Variants in LIPE observed in about 807,000 individuals in gnomAD.
LIPE encodes lipase E, hormone sensitive type.
In LIPE, 66 loss-of-function variants were observed where a neutral mutation model predicts 88.5. The observed-to-expected ratio is 0.75, with a 90% CI of 0.61 to 0.91. LIPE has a LOEUF of 0.91. Among genes scored for constraint, LIPE ranks in the 40% least tolerant of loss-of-function variants. LIPE has a pLI of 0.00. For synonymous variants in LIPE, 570 were observed against 617.5 expected (o/e 0.92, Z 1.14); for missense variants, 1,346 against 1,434.7 (o/e 0.94, Z 1.00).
chr19:42,402,181 A>C, intron 9 of LIPE, 106 bp from the exon 10 acceptor site: 1 of 1,147,202 alleles, frequency 8.7e-7, no homozygotes. Flanking sequence ...GGAAATACGG[A>C]TACAGACGGA....
rs530207549 is a variant in LIPE at position 42,410,508 on chromosome 19, G to C, written c.1218C>G (p.Ser406Arg). The C allele has an allele frequency of 2.5e-6, 4 of 1,613,462 alleles. No homozygotes were observed. The highest frequency in any genetic ancestry group is 3.4e-6 in the Non-Finnish European group (4 of 1,180,000). Residue 406 changes from serine to arginine, a missense_variant, in exon 2 of 10, where the codon AGC becomes AGG. Transcript: ENST00000244289. This position sits in a 1 kb window ranked among gnomAD's most constrained non-coding sequence, Gnocchi z 6.1. The part of the protein sequence containing the change: ...SNRRSIFFRT[S>R]HNLAELEAYL... Reference sequence around the variant, plus strand: ...AGGCCTCCAGCTCGGCCAGGTTGTGGCTGGTGCGGAAGAAGATGCTGCGGC... The same window carrying C: ...AGGCCTCCAGCTCGGCCAGGTTGTGCCTGGTGCGGAAGAAGATGCTGCGGC...
chr19:42,405,411 G>T lies in LIPE; in HGVS notation c.2516C>A (p.Ser839Tyr). 6.2e-7 allele frequency: 1 copy of T among 1,613,676 alleles called. No individual in the cohort carries two copies. Among genetic ancestry groups the T allele is most frequent in the Admixed American group, 1.7e-5 (1 of 60,012 alleles). ...NSFLELSGRK[S>Y]QKMSEPIAEP... ...TGCTATGGGCTCCGACATCTTCTGG[G>T]ACTTGCGCCCACTTAACTCCAGGAA... Residue 839 changes from serine to tyrosine, a missense_variant, in exon 8 of 10, where the codon TCC becomes TAC. Transcript: ENST00000244289.
chr19:42,413,420 T>C (rs957669801), intron 1 of LIPE, among the ~76,000 whole-genome samples: 9 of 152,178 alleles, frequency 5.9e-5, no homozygotes, highest in Admixed American at 5.2e-4. Flanking sequence ...AATCCCAGCA[T>C]TTTGGGAGGC....
rs1600113453 is a variant in LIPE at position 42,407,066 on chromosome 19, T to G, written c.2137+108A>C. ...ACCTGGGTGAGCAGGAGCTGGGAGG[T>G]GTGGGGGGAGAGAAAGGTAGAGGGT... On this transcript the variant is annotated intron_variant, in intron 6 of 9. Coordinates refer to ENST00000244289, the MANE Select transcript of LIPE (RefSeq NM_005357.4). This position sits in a 1 kb window ranked among gnomAD's most constrained non-coding sequence, Gnocchi z 5.8. The G allele has an allele frequency of 8.7e-6, 8 of 924,752 alleles. No homozygotes were observed. Among genetic ancestry groups the G allele is most frequent in the East Asian group, 2.7e-5 (1 of 36,592 alleles). 57.3% of individuals were successfully genotyped at this position (924,752 alleles called of 1,614,324 possible). A position where few individuals can be genotyped will look rare whatever the true frequency, so the allele number is the denominator to read the frequency against.
Position 42,407,517 on chromosome 19 carries a change from G to C in LIPE, c.1843-49C>G. 1 of 1,585,568 alleles carries C rather than the reference G, an allele frequency of 6.3e-7. No homozygotes were observed. Among genetic ancestry groups the C allele is most frequent in the Non-Finnish European group, 8.6e-7 (1 of 1,162,278 alleles). On this transcript the variant is annotated intron_variant, in intron 5 of 9. Coordinates refer to ENST00000244289, the MANE Select transcript of LIPE (RefSeq NM_005357.4). This position sits in a 1 kb window ranked among gnomAD's most constrained non-coding sequence, Gnocchi z 5.8. ...GTGTGAGGTTGGGGAGAGCTGGCCA[G>C]GGCTGCACCCCTCCATGGGGATGCC...
chr19:42,420,556 CCCAGGATGTCAT>C (rs1167147749), intron 1 of LIPE, among the ~76,000 whole-genome samples: 2 of 151,840 alleles, frequency 1.3e-5, no homozygotes, highest in Admixed American at 1.3e-4. Flanking sequence ...CAAGCTGGAA[CCCAGGATGTCAT>C]CCTGGCCACC....
chr19:42,401,854 C>T lies in LIPE; in HGVS notation c.3189G>A (p.Thr1063=). The T allele has an allele frequency of 6.6e-7, 1 of 1,523,704 alleles. No individual in the cohort carries two copies. The highest frequency in any genetic ancestry group is 8.8e-7 in the Non-Finnish European group (1 of 1,139,508). 94.4% of individuals were successfully genotyped at this position (1,523,704 alleles called of 1,614,324 possible). Residue 1063 remains threonine, a synonymous_variant, in exon 10 of 10, where the codon ACG becomes ACA. Coordinates refer to ENST00000244289, the MANE Select transcript of LIPE (RefSeq NM_005357.4). Reference sequence around the variant, plus strand: ...AGCCCCCGTCTACCCCCGCAGCCCCCGTCTCCCCGCTCGGCCCGGCTCCGG... The same window carrying T: ...AGCCCCCGTCTACCCCCGCAGCCCCTGTCTCCCCGCTCGGCCCGGCTCCGG... ...PPAGAGPSGE[T]GAAGVDGGCG... is the part of the protein sequence containing the mutation.
intron 1 of LIPE, chr19:42,424,369 G>C (rs911865308): frequency 4.4e-6 from 2 of 456,586 alleles, no homozygotes; most frequent in Non-Finnish European, 8.8e-6. Flanking sequence ...CTTCTGGACC[G>C]CCTTGCTCAC....
intron 1 of LIPE, among the ~76,000 whole-genome samples, chr19:42,425,927 G>C (rs143135972): frequency 0.035 from 5,306 of 151,992 alleles, 286 homozygotes; most frequent in African/African-American, 0.12. Flanking sequence ...TCAGCCTCCC[G>C]AGTAGCTGGG....
At position 42,401,917 on chromosome 19, in the gene LIPE, C is replaced by T. The variant is rs975514889; in HGVS notation, c.3126G>A (p.Leu1042=). The T allele has an allele frequency of 7.7e-6, 12 of 1,554,234 alleles. No individual in the cohort carries two copies. The Admixed American group carries it at 1.5e-4, about 20-fold the overall frequency. Residue 1042 remains leucine, a synonymous_variant, in exon 10 of 10, where the codon CTG becomes CTA. Transcript: ENST00000244289. ...GGACGAGGCGGATGCGCTCCACGCA[C>T]AGCTCTGCGGCCTGGCGCGTCTCGC... The part of the protein sequence containing the change: ...LCRETRQAAE[L]CVERIRLVLT...
At chr19:42,423,793 G>C in intron 1 of LIPE, 1 of 1,109,164 alleles carries the variant, frequency 9.0e-7, no homozygotes. Context: ...CAACCCCGGG[G>C]GTGGCGAAAA....
At chr19:42,424,365 G>T in intron 1 of LIPE, 1 of 456,750 alleles carries the variant, frequency 2.2e-6, no homozygotes, top group East Asian at 6.9e-5. Context: ...ACTGCTTCTG[G>T]ACCGCCTTGC....
In LIPE at chr19:42,407,994, G is replaced by A. The variant is rs142745694; in HGVS notation, c.1638C>T (p.Thr546=). The change falls in exon 4 of 10, where the codon ACC becomes ACT. Residue 546 remains threonine (T), a synonymous_variant. Coordinates refer to ENST00000244289, the MANE Select transcript of LIPE (RefSeq NM_005357.4). This position sits in a 1 kb window ranked among gnomAD's most constrained non-coding sequence, Gnocchi z 5.8. ...VHFWKAFWNI[T]EMEVLSSLAN... ...CCCTCACCGATAGCACTTCCATCTCGGTGATGTTCCAGAAGGCTTTCCAGA... is the reference window on the plus strand; with the variant it reads ...CCCTCACCGATAGCACTTCCATCTCAGTGATGTTCCAGAAGGCTTTCCAGA... The A allele has an allele frequency of 1.2e-3, 1,929 of 1,613,352 alleles. 3 individuals are homozygous for A. The highest frequency in any genetic ancestry group is 1.5e-3 in the Non-Finnish European group (1,810 of 1,179,814).
chr19:42,424,732 C>T (rs892864075), intron 1 of LIPE: 8 of 417,982 alleles, frequency 1.9e-5, no homozygotes, highest in Middle Eastern at 7.1e-4. Context: ...GTTTTTCCCC[C>T]CACATCAGGG....
chr19:42,406,230 G>C lies in LIPE; in HGVS notation c.2296C>G (p.Arg766Gly), dbSNP rs371863017. ...TMLQPAASPS[R>G]LLSLMDPLLP... Reference sequence around the variant, plus strand: ...AAGGGGTCCATGAGGCTCAGCAGGCGGGAGGGAGAGGCGGCAGGCTGCAGC... The same window carrying C: ...AAGGGGTCCATGAGGCTCAGCAGGCCGGAGGGAGAGGCGGCAGGCTGCAGC... The change falls in exon 7 of 10, where the codon CGC becomes GGC. Residue 766 changes from arginine to glycine, a missense_variant. Physicochemically the swap from Arg to Gly is moderately radical, Grantham distance 125 (BLOSUM62 -2). Coordinates refer to ENST00000244289, the MANE Select transcript of LIPE (RefSeq NM_005357.4). This position sits in a 1 kb window ranked among gnomAD's most constrained non-coding sequence, Gnocchi z 5.7. 1.9e-6 allele frequency: 3 copies of C among 1,613,718 alleles called. No homozygotes were observed. The African/African-American group carries it at 4.0e-5, about 22-fold the overall frequency.
At chr19:42,404,952 C>A (rs2040121231) in intron 8 of LIPE, among the ~76,000 whole-genome samples, 1 of 152,252 alleles carries the variant, frequency 6.6e-6, no homozygotes, top group Admixed American at 6.5e-5. Context: ...CTCACTGCAA[C>A]CTCTGCTACC....
chr19:42,427,369 T>C lies in LIPE; in HGVS notation c.-220A>G. The C allele has an allele frequency of 1.4e-6, 1 of 728,848 alleles. No homozygotes were observed. Among genetic ancestry groups the C allele is most frequent in the Non-Finnish European group, 2.0e-6 (1 of 501,142 alleles). 45.1% of individuals were successfully genotyped at this position (728,848 alleles called of 1,614,324 possible). A position where few individuals can be genotyped will look rare whatever the true frequency, so the allele number is the denominator to read the frequency against. The stretch of plus-strand genomic sequence containing the variant: ...AGTAATGAACTCTGTGCCTCTTTCT[T>C]TGGTGGGAGGATTAGGAATAGGAGG... On this transcript the variant is annotated 5_prime_UTR_variant, in exon 1 of 10. Coordinates refer to ENST00000244289, the MANE Select transcript of LIPE (RefSeq NM_005357.4).
In LIPE at chr19:42,402,906, CCGA is replaced by C; in HGVS notation, c.2665_2667del (p.Ser889del). The C allele has an allele frequency of 6.2e-7, 1 of 1,612,822 alleles. No individual in the cohort carries two copies. Among genetic ancestry groups the C allele is most frequent in the Non-Finnish European group, 8.5e-7 (1 of 1,179,972 alleles). ...GCTGACAGCGACATCTCGGGGGTGT[CCGA>C]CGACGTCTCGGAGTTTCCCCTCAGG... On this transcript the variant is annotated inframe_deletion, in exon 9 of 10. Coordinates refer to ENST00000244289, the MANE Select transcript of LIPE (RefSeq NM_005357.4).
intron 1 of LIPE, among the ~76,000 whole-genome samples, chr19:42,425,893 C>A (rs746194071): frequency 1.3e-5 from 2 of 152,130 alleles, no homozygotes; most frequent in Non-Finnish European, 2.9e-5. Context: ...ACCTTTGCCT[C>A]CCGGGTTCAA....
Sources: gnomAD v4.1 joint callset for allele counts (sites outside exome capture counted in the v4.1 genomes callset) on GRCh38, gnomAD v4.1.1 for gene constraint, Gnocchi (gnomAD v3.1) non-coding constraint, MANE v1.5 for transcripts, NCBI Gene and HGNC (gene_info 2026-07-23, HGNC 2026-07-21) for gene names.